Variants in LARP1B observed in about 807,000 individuals in gnomAD.
LARP1B encodes the protein La ribonucleoprotein 1B.
LARP1B carries 76 observed loss-of-function variants against 114.2 expected under a neutral mutation model. The ratio of observed to expected loss-of-function variants is 0.67; its 90% CI spans 0.55 to 0.81. The LOEUF is 0.81. LARP1B is among the 30% of genes least tolerant of loss of function. The pLI is 0.00. For synonymous variants in LARP1B, 345 were observed against 348.0 expected (o/e 0.99, Z 0.10); for missense variants, 1,014 against 1,075.8 (o/e 0.94, Z 0.80).
chr4:128,074,180 T>C (rs1218220998), intron 1 of LARP1B, among the ~76,000 whole-genome samples: 1 of 152,054 alleles, frequency 6.6e-6, no homozygotes, highest in Non-Finnish European at 1.5e-5. Flanking sequence ...CCTCAGGTGA[T>C]CCACCCACCT....
intron 5 of LARP1B, among the ~76,000 whole-genome samples, chr4:128,089,655 C>T (rs1775101158): frequency 6.6e-6 from 1 of 151,974 alleles, no homozygotes; most frequent in African/African-American, 2.4e-5. Flanking sequence ...CCTTTTTAAA[C>T]TTTGTCAACA....
At chr4:128,118,478 C>T (rs564165215) in intron 10 of LARP1B, among the ~76,000 whole-genome samples, 36 of 151,794 alleles carry the variant, frequency 2.4e-4, no homozygotes, top group South Asian at 8.3e-4. Context: ...CCTCGTGATC[C>T]GCCCGCCTCA....
At position 128,068,424 on chromosome 4, in the gene LARP1B, G is replaced by GA. The variant is rs1450355377; in HGVS notation, c.-77-6035dup. Among the ~76,000 whole-genome samples the GA allele has an allele frequency of 1.5e-4, 23 of 150,996 alleles. No homozygotes were observed. In the East Asian group the frequency reaches 4.4e-3, roughly 29 times the overall value. On this transcript the variant is annotated intron_variant, in intron 1 of 19. Transcript: ENST00000326639. ...CAGCCTAGAACTCCTGGGCCCAAGG[G>GA]ATCCTCCTGCCTCAGCTTCTCAAGT...
rs577850526 is a variant in LARP1B, at chr4:128,081,590, C to T, written c.218-575C>T. ...TGGGCGGCTGGGCGTCGAGCTTGAA[C>T]GCTTTGATGGCTGCTTTTAGGCCAA... On this transcript the variant is annotated intron_variant, in intron 4 of 19. Coordinates refer to ENST00000326639, the MANE Select transcript of LARP1B (RefSeq NM_018078.4). Among the ~76,000 whole-genome samples the T allele has an allele frequency of 4.6e-5, 7 of 152,166 alleles. No individual in the cohort carries two copies. The South Asian group carries it at 6.2e-4, about 14-fold the overall frequency.
intron 15 of LARP1B, among the ~76,000 whole-genome samples, chr4:128,193,487 T>G (rs1036675238): frequency 6.6e-6 from 1 of 152,244 alleles, no homozygotes; most frequent in Admixed American, 6.5e-5. Flanking sequence ...TAAATTTTTT[T>G]GCCCTGTTTT....
At chr4:128,093,448 T>C (rs1010894901) in intron 7 of LARP1B, among the ~76,000 whole-genome samples, 25 of 151,774 alleles carry the variant, frequency 1.6e-4, no homozygotes, top group Non-Finnish European at 2.9e-4. Flanking sequence ...TACAAAAAAT[T>C]AGCCGGGCGC....
intron 5 of LARP1B, among the ~76,000 whole-genome samples, chr4:128,088,560 C>T (rs997876548): frequency 1.3e-5 from 2 of 151,982 alleles, no homozygotes; most frequent in Non-Finnish European, 2.9e-5. Flanking sequence ...TAAGGTACTA[C>T]CACGAACATT....
At chr4:128,103,145 G>A (rs2149747101) in intron 8 of LARP1B, among the ~76,000 whole-genome samples, 1 of 152,164 alleles carries the variant, frequency 6.6e-6, no homozygotes, top group South Asian at 2.1e-4. Context: ...TCATTGTTTA[G>A]GAGTTCAGGA....
intron 7 of LARP1B, among the ~76,000 whole-genome samples, chr4:128,097,822 A>T (rs188687132): frequency 5.8e-4 from 88 of 152,344 alleles, no homozygotes; most frequent in Admixed American, 1.8e-3. Context: ...TCTAATGCTT[A>T]AATGAAACAA....
At chr4:128,111,939 C>T (rs1294489343) in intron 9 of LARP1B, among the ~76,000 whole-genome samples, 1 of 151,634 alleles carries the variant, frequency 6.6e-6, no homozygotes, top group Non-Finnish European at 1.5e-5. Context: ...ATCTGCCTGC[C>T]TCGGCCTCCC....
intron 5 of LARP1B, among the ~76,000 whole-genome samples, chr4:128,083,265 C>A (rs1304358433): frequency 6.6e-6 from 1 of 152,228 alleles, no homozygotes; most frequent in Non-Finnish European, 1.5e-5. Context: ...TTTTCCCCAC[C>A]TTTCCCCCCT....
At chr4:128,220,010 T>C (rs1006574858) in intron 6 of LARP1B, among the ~76,000 whole-genome samples, 4 of 152,068 alleles carry the variant, frequency 2.6e-5, no homozygotes, top group Non-Finnish European at 5.9e-5. Context: ...CTCAGCCTCC[T>C]GAGTAGCTGG....
At chr4:128,206,939 G>GT (rs1489266850) in intron 18 of LARP1B, 1 of 641,910 alleles carries the variant, frequency 1.6e-6, no homozygotes, top group African/African-American at 2.0e-5. Flanking sequence ...TAGAAGCTAT[G>GT]TGATTGTGGG....
chr4:128,207,559 C>T (rs1284521592), intron 19 of LARP1B, among the ~76,000 whole-genome samples, 176 bp downstream of exon 19: 1 of 152,176 alleles, frequency 6.6e-6, no homozygotes, highest in Non-Finnish European at 1.5e-5. Context: ...TCTGTTCACT[C>T]AGATTTCGCA....
At chr4:128,157,047 G>GA (rs1045747177) in intron 11 of LARP1B, among the ~76,000 whole-genome samples, 29 of 151,190 alleles carry the variant, frequency 1.9e-4, no homozygotes, top group African/African-American at 4.4e-4. Flanking sequence ...TGATATGATA[G>GA]AAAAAAAACA....
At chr4:128,109,342 A>T (rs144005378) in intron 9 of LARP1B, among the ~76,000 whole-genome samples, 1 of 152,110 alleles carries the variant, frequency 6.6e-6, no homozygotes, top group Admixed American at 6.6e-5. Context: ...TAACAACATA[A>T]CTCTTTATGA....
intron 15 of LARP1B, among the ~76,000 whole-genome samples, chr4:128,189,260 T>TC (rs1475052358): frequency 6.6e-5 from 7 of 105,852 alleles, no homozygotes; most frequent in African/African-American, 1.6e-4. Flanking sequence ...ACCTTCCGTG[T>TC]CCTTTTTTTT....
intron 11 of LARP1B, among the ~76,000 whole-genome samples, chr4:128,125,553 T>C (rs1045833876): frequency 6.6e-6 from 1 of 152,212 alleles, no homozygotes; most frequent in Non-Finnish European, 1.5e-5. Context: ...TGAGACCATC[T>C]GGCCAACATG....
intron 1 of LARP1B, among the ~76,000 whole-genome samples, chr4:128,067,537 T>C (rs1247217045): frequency 2.6e-5 from 4 of 152,026 alleles, no homozygotes; most frequent in Non-Finnish European, 2.9e-5. Context: ...TTCTTCCACT[T>C]TTAGGATGAT....
Sources: gnomAD v4.1 joint callset for allele counts (sites outside exome capture counted in the v4.1 genomes callset) on GRCh38, gnomAD v4.1.1 for gene constraint, MANE v1.5 for transcripts, NCBI Gene and HGNC (gene_info 2026-07-23, HGNC 2026-07-21) for gene names.